MEX3C: variants seen among roughly 807,000 people sequenced by gnomAD.
MEX3C encodes RNA-binding E3 ubiquitin-protein ligase MEX3C.
Under a neutral mutation model 35.5 loss-of-function variants are expected in MEX3C, and 15 were observed. That is an observed-to-expected ratio of 0.42 (90% CI 0.28 to 0.65). MEX3C has a LOEUF of 0.65. Among genes scored for constraint, MEX3C ranks in the 30% least tolerant of loss-of-function variants. The pLI is 0.20. For synonymous variants in MEX3C, 390 were observed against 352.8 expected, an observed-to-expected ratio of 1.11 and a Z score of -1.18; for missense variants, 711 against 842.8, an observed-to-expected ratio of 0.84 and a Z score of 1.94.
At chr18:51,187,809 A>G (rs1039729676) in intron 1 of MEX3C, among the ~76,000 whole-genome samples, 19 of 152,256 alleles carry the variant, frequency 1.2e-4, no homozygotes, top group Non-Finnish European at 1.2e-4. Flanking sequence ...TTTATACAAA[A>G]TAAGGTCCCT....
chr18:51,192,893 A>G (rs1912681703), intron 1 of MEX3C: 2 of 152,168 alleles, frequency 1.3e-5, no homozygotes, highest in Admixed American at 6.5e-5. Context: ...CATAAAAGAA[A>G]AAGACACTGT....
chr18:51,195,972 A>T (rs552323473), intron 1 of MEX3C: 2 of 153,510 alleles, frequency 1.3e-5, no homozygotes, highest in East Asian at 3.9e-4. Context: ...ACCGAGAGAA[A>T]TACAGTTAAG....
At chr18:51,178,371 C>A (rs2144547575) in intron 1 of MEX3C, among the ~76,000 whole-genome samples, 1 of 150,224 alleles carries the variant, frequency 6.7e-6, no homozygotes, top group African/African-American at 2.5e-5. Flanking sequence ...CCACTTTAAC[C>A]AACTTTTTTT....
chr18:51,190,361 T>C (rs891330325), intron 1 of MEX3C, among the ~76,000 whole-genome samples: 2 of 152,188 alleles, frequency 1.3e-5, no homozygotes, highest in Non-Finnish European at 2.9e-5. Flanking sequence ...TGCAAATATA[T>C]ACTTTTACAT....
rs571494470 is a variant in MEX3C, at chr18:51,177,893, C to T, written c.755-317G>A. On this transcript the variant is annotated intron_variant, in intron 1 of 1. Coordinates refer to ENST00000406189, the MANE Select transcript of MEX3C (RefSeq NM_016626.5). This position sits in a 1 kb window ranked among gnomAD's most constrained non-coding sequence, Gnocchi z 4.2. ...AAAACTCAATTGATGACAAAAACAC[C>T]GTGCTCATGGCTAGTAGGTCATCTC... Among the ~76,000 whole-genome samples the T allele has an allele frequency of 1.6e-4, 25 of 152,264 alleles. No individual in the cohort carries two copies. The East Asian group carries it at 1.7e-3, about 11-fold the overall frequency.
intron 1 of MEX3C, among the ~76,000 whole-genome samples, chr18:51,183,334 G>A (rs1208515984): frequency 6.6e-6 from 1 of 152,144 alleles, no homozygotes; most frequent in East Asian, 1.9e-4. Context: ...CATACCATTT[G>A]TTCCCACTTC....
chr18:51,189,401 C>T (rs570683630), intron 1 of MEX3C, among the ~76,000 whole-genome samples: 20 of 152,244 alleles, frequency 1.3e-4, no homozygotes, highest in African/African-American at 4.8e-4. Context: ...CAGTTATAAA[C>T]TAGTGACCCC....
chr18:51,175,137 AG>A lies in MEX3C; in HGVS notation c.*1213del, dbSNP rs1912270671. ...TGTCTATTTACTATTGAATACACAT[AG>A]GATTTCAATTTTCATTATACCGAGA... On this transcript the variant is annotated 3_prime_UTR_variant, in exon 2 of 2. Coordinates refer to ENST00000406189, the MANE Select transcript of MEX3C (RefSeq NM_016626.5). 6.5e-6 allele frequency: 1 copy of A among 152,680 alleles called. No individual in the cohort carries two copies. Among genetic ancestry groups the A allele is most frequent in the Non-Finnish European group, 1.5e-5 (1 of 68,048 alleles). The allele number at this position is 152,680 out of a possible 1,614,324, so 9.5% of individuals were successfully genotyped here. A position where few individuals can be genotyped will look rare whatever the true frequency, so the allele number is the denominator to read the frequency against.
chr18:51,196,304 C>G, intron 1 of MEX3C: 1 of 694,778 alleles, frequency 1.4e-6, no homozygotes, highest in Non-Finnish European at 2.2e-6. Flanking sequence ...TCCACGAATA[C>G]AGCCCAAGTA....
At chr18:51,195,259 A>C (rs1320079064) in intron 1 of MEX3C, 1 of 152,240 alleles carries the variant, frequency 6.6e-6, no homozygotes, top group African/African-American at 2.4e-5. Context: ...CAGGAATCTG[A>C]AACTCATTAA....
chr18:51,176,214 C>T lies in MEX3C; in HGVS notation c.*137G>A, dbSNP rs772040478. The T allele has an allele frequency of 5.3e-5, 46 of 865,980 alleles. No individual in the cohort carries two copies. The highest frequency in any genetic ancestry group is 7.8e-5 in the Non-Finnish European group (46 of 592,266). 53.6% of individuals were successfully genotyped at this position (865,980 alleles called of 1,614,324 possible). A position where few individuals can be genotyped will look rare whatever the true frequency, so the allele number is the denominator to read the frequency against. Reference sequence around the variant, plus strand: ...ACCATAGCAGCCTTTTATAAGTTTACTAACAACTTTAGCCTAATCCCAATA... The same window carrying T: ...ACCATAGCAGCCTTTTATAAGTTTATTAACAACTTTAGCCTAATCCCAATA... On this transcript the variant is annotated 3_prime_UTR_variant, in exon 2 of 2. Coordinates refer to ENST00000406189, the MANE Select transcript of MEX3C (RefSeq NM_016626.5).
At position 51,177,347 on chromosome 18, in the gene MEX3C, G is replaced by C. The variant is rs377338951; in HGVS notation, c.984C>G (p.Thr328=). ...SCSPNLPGQT[T]VQVRVPYRVV... is the part of the protein sequence containing the mutation. ...CACGATAAGGGACCCTGACTTGGAC[G>C]GTGGTTTGACCGGGCAGATTAGGAC... is the stretch of plus-strand genomic sequence containing the variant. The change falls in exon 2 of 2, where the codon ACC becomes ACG. Residue 328 remains threonine (T), a synonymous_variant. Coordinates refer to ENST00000406189, the MANE Select transcript of MEX3C (RefSeq NM_016626.5). This position sits in a 1 kb window ranked among gnomAD's most constrained non-coding sequence, Gnocchi z 4.2. 1.9e-6 allele frequency: 3 copies of C among 1,613,832 alleles called. No homozygotes were observed. The African/African-American group carries it at 4.0e-5, about 22-fold the overall frequency.
intron 1 of MEX3C, 54 bp downstream of exon 1, chr18:51,196,513 C>T (rs1259918385): frequency 6.6e-7 from 1 of 1,522,308 alleles, no homozygotes; most frequent in Non-Finnish European, 8.8e-7. Flanking sequence ...TCTCTCGTCT[C>T]CCCACCCACG....
intron 1 of MEX3C, among the ~76,000 whole-genome samples, chr18:51,190,484 A>G (rs1912628363): frequency 6.6e-6 from 1 of 152,176 alleles, no homozygotes; most frequent in African/African-American, 2.4e-5. Context: ...CTACATCTGC[A>G]GTTTTCATTA....
rs1048961478 is a variant in MEX3C, at chr18:51,176,385, G to A, written c.1946C>T (p.Thr649Ile). ...KRTPSCPVCQ[T>I]AVTQAIQIHS is the part of the protein sequence containing the mutation. ...AATTTGGATTGCCTGAGTAACAGCT[G>A]TCTGGCAAACTGGACATGATGGCGT... The change falls in exon 2 of 2, where the codon ACA (threonine) becomes ATA (isoleucine). Residue 649 changes from threonine (T) to isoleucine (I), a missense_variant. Thr to Ile is a moderately conservative substitution (Grantham distance 89, BLOSUM62 -1). Transcript: ENST00000406189. 1.1e-5 allele frequency: 17 copies of A among 1,613,946 alleles called. No homozygotes were observed. Among genetic ancestry groups the A allele is most frequent in the Non-Finnish European group, 1.4e-5 (16 of 1,179,856 alleles).
At chr18:51,181,856 ATGAT>A (rs748810016) in intron 1 of MEX3C, among the ~76,000 whole-genome samples, 5 of 152,224 alleles carry the variant, frequency 3.3e-5, no homozygotes, top group African/African-American at 4.8e-5. Context: ...TCAAATAAAT[ATGAT>A]TAAGTTAGAA....
intron 1 of MEX3C, among the ~76,000 whole-genome samples, chr18:51,181,672 A>C (rs1912434993): frequency 6.6e-6 from 1 of 152,212 alleles, no homozygotes; most frequent in Admixed American, 6.5e-5. Flanking sequence ...TAACTTCTGT[A>C]TTTTATAATT....
intron 1 of MEX3C, among the ~76,000 whole-genome samples, chr18:51,181,301 C>A (rs1912424016): frequency 6.9e-6 from 1 of 145,278 alleles, no homozygotes; most frequent in Non-Finnish European, 1.5e-5. Context: ...TTCTTACACA[C>A]ACACAAACAC....
At position 51,178,808 on chromosome 18, in the gene MEX3C, C is replaced by T. The variant is rs148326394; in HGVS notation, c.755-1232G>A. Reference sequence around the variant, plus strand: ...CCGGGGGACAGAGGTTGCAGTGAGCCGAGATTGTCCCACTGCACTCCAGCC... The same window carrying T: ...CCGGGGGACAGAGGTTGCAGTGAGCTGAGATTGTCCCACTGCACTCCAGCC... On this transcript the variant is annotated intron_variant, in intron 1 of 1. Coordinates refer to ENST00000406189, the MANE Select transcript of MEX3C (RefSeq NM_016626.5). Among the ~76,000 whole-genome samples, 821 of 149,352 alleles carry T rather than the reference C, an allele frequency of 5.5e-3. 37 individuals are homozygous for T. In the East Asian group the frequency reaches 0.12, roughly 21 times the overall value.
Sources: allele counts gnomAD v4.1 joint callset (sites outside exome capture counted in the v4.1 genomes callset), GRCh38; gene constraint gnomAD v4.1.1; non-coding constraint Gnocchi (gnomAD v3.1); transcripts MANE v1.5; gene names NCBI Gene and HGNC (gene_info 2026-07-23, HGNC 2026-07-21).